Variants in ZMYM2 observed in about 807,000 individuals in gnomAD.
ZMYM2 encodes zinc finger MYM-type protein 2.
Under a neutral mutation model 162.8 loss-of-function variants are expected in ZMYM2, and 56 were observed. The observed-to-expected ratio is 0.34, with a 90% CI of 0.28 to 0.43. ZMYM2 has a LOEUF of 0.43. ZMYM2 is among the 20% of genes least tolerant of loss of function. The probability of loss-of-function intolerance (pLI) is 1.00; values close to 1 mark genes in which losing one functional copy is unlikely to be tolerated. For missense variants in ZMYM2, 1,275 were observed against 1,621.8 expected, an observed-to-expected ratio of 0.79 and a Z score of 3.67; for synonymous variants, 510 against 541.6, an observed-to-expected ratio of 0.94 and a Z score of 0.81.
chr13:19,881,201 T>C, the ZMYM2 span, among the ~76,000 whole-genome samples: 2 of 152,298 alleles, frequency 1.3e-5, no homozygotes, highest in South Asian at 4.1e-4. Context: ...ATCTTAAAGT[T>C]TTGTACATAT....
chr13:19,979,399 A>T (rs1383760734), intron 2 of ZMYM2, among the ~76,000 whole-genome samples: 4 of 147,414 alleles, frequency 2.7e-5, no homozygotes, highest in Non-Finnish European at 4.5e-5. Flanking sequence ...TTGTTGAGGG[A>T]TAGAGCTGTT....
At chr13:20,055,137 GGA>G (rs1229274846) in intron 14 of ZMYM2, among the ~76,000 whole-genome samples, 2 of 152,098 alleles carry the variant, frequency 1.3e-5, no homozygotes, top group African/African-American at 4.8e-5. Context: ...TCTGGTATGA[GGA>G]GTAGGGGTAG....
the ZMYM2 span, among the ~76,000 whole-genome samples, chr13:19,935,428 C>T: frequency 1.7e-3 from 266 of 152,278 alleles, no homozygotes; most frequent in African/African-American, 2.5e-3. Context: ...TGAGCCACCA[C>T]GCACAGCTGG....
At chr13:19,932,520 G>A in the ZMYM2 span, among the ~76,000 whole-genome samples, 5 of 151,980 alleles carry the variant, frequency 3.3e-5, no homozygotes, top group East Asian at 3.9e-4. Flanking sequence ...GTGGTGGTGC[G>A]CGCCTGTAAT....
the ZMYM2 span, among the ~76,000 whole-genome samples, chr13:19,918,306 G>A: frequency 3.3e-5 from 5 of 151,476 alleles, no homozygotes; most frequent in South Asian, 2.1e-4. Flanking sequence ...TTAGCTGGGC[G>A]TGATGGCAGG....
chr13:20,048,114 C>G (rs922957617), intron 12 of ZMYM2, among the ~76,000 whole-genome samples: 2 of 151,820 alleles, frequency 1.3e-5, no homozygotes, highest in Admixed American at 6.6e-5. Context: ...TATTACTTTT[C>G]GATTGCACAG....
At chr13:19,939,081 T>C in the ZMYM2 span, among the ~76,000 whole-genome samples, 1 of 148,446 alleles carries the variant, frequency 6.7e-6, no homozygotes, top group African/African-American at 2.5e-5. Flanking sequence ...TGGAGTGCAA[T>C]GGCGTGATCT....
the ZMYM2 span, among the ~76,000 whole-genome samples, chr13:19,932,315 G>C: frequency 6.6e-6 from 1 of 152,136 alleles, no homozygotes; most frequent in Non-Finnish European, 1.5e-5. Context: ...GAAGTCAGGA[G>C]GGTGAGAAGC....
intron 3 of ZMYM2, among the ~76,000 whole-genome samples, chr13:19,994,951 GCCT>G (rs1377434238): frequency 6.6e-6 from 1 of 150,520 alleles, no homozygotes; most frequent in Non-Finnish European, 1.5e-5. Context: ...TTCCATCGCA[GCCT>G]CCAGAGTAGC....
At chr13:19,917,111 C>T in the ZMYM2 span, among the ~76,000 whole-genome samples, 2 of 152,018 alleles carry the variant, frequency 1.3e-5, no homozygotes, top group East Asian at 2.0e-4. Context: ...TACAGGCGCC[C>T]GCCACGACGC....
chr13:19,942,262 G>A, the ZMYM2 span, among the ~76,000 whole-genome samples: 2 of 151,558 alleles, frequency 1.3e-5, no homozygotes, highest in Non-Finnish European at 1.5e-5. Flanking sequence ...GAGTAATATA[G>A]TAGGATGATC....
chr13:19,889,619 C>A, the ZMYM2 span, among the ~76,000 whole-genome samples: 2 of 151,814 alleles, frequency 1.3e-5, no homozygotes, highest in Non-Finnish European at 2.9e-5. Flanking sequence ...GGAATTTTTA[C>A]GTCTGGTGCC....
chr13:20,048,620 T>G (rs1955033402), intron 12 of ZMYM2, among the ~76,000 whole-genome samples: 1 of 152,008 alleles, frequency 6.6e-6, no homozygotes. Context: ...AAGATGTATA[T>G]ATCAGTCAAA....
At chr13:20,045,049 C>CAAAAAAAAAAAA (rs933854935) in intron 12 of ZMYM2, among the ~76,000 whole-genome samples, 1 of 47,482 alleles carries the variant, frequency 2.1e-5, no homozygotes, top group African/African-American at 7.7e-5. Context: ...GACTCTGTGT[C>CAAAAAAAAAAAA]AAAAAAAAAA....
chr13:20,002,444 A>G (rs545044213), intron 3 of ZMYM2, among the ~76,000 whole-genome samples: 17 of 152,254 alleles, frequency 1.1e-4, no homozygotes, highest in African/African-American at 3.6e-4. Context: ...TAGCTTCCCA[A>G]TCTTGTAAGC....
At chr13:19,912,292 GTTTTTTTTT>G in the ZMYM2 span, among the ~76,000 whole-genome samples, 4 of 75,714 alleles carry the variant, frequency 5.3e-5, no homozygotes, top group South Asian at 5.8e-4. Flanking sequence ...TGTTTTTTGG[GTTTTTTTTT>G]TTTTTTTTTT....
intron 4 of ZMYM2, among the ~76,000 whole-genome samples, chr13:20,003,638 C>CTT (rs1281809459): frequency 7.1e-6 from 1 of 141,830 alleles, no homozygotes; most frequent in Non-Finnish European, 1.6e-5. Context: ...TTTTTCTTTT[C>CTT]TTTTTTTTTT....
chr13:20,058,600 C>T lies in ZMYM2; in HGVS notation c.2519C>T (p.Thr840Ile). The change falls in exon 15 of 25, where the codon ACA becomes ATA. Residue 840 changes from threonine to isoleucine, a missense_variant. Thr to Ile is a moderately conservative substitution (Grantham distance 89). This residue lies in a region of ZMYM2 where 177 missense variants were observed against 228.0 expected (regional missense o/e 0.78). Transcript: ENST00000610343. ...GGTTCAGCACCACCCCCTTCTCCAA[C>T]ACCTAACAAAGAGATGAAGAACAAA... ...MTGSAPPPSPTPNKEMKNKAV... is the reference protein window; with the variant it reads ...MTGSAPPPSPIPNKEMKNKAV... 1.9e-6 allele frequency: 3 copies of T among 1,613,730 alleles called. No individual in the cohort carries two copies. The highest frequency in any genetic ancestry group is 2.2e-5 in the South Asian group (2 of 91,072).
chr13:19,959,088 G>A (rs976123769), intron 1 of ZMYM2, among the ~76,000 whole-genome samples: 1 of 151,102 alleles, frequency 6.6e-6, no homozygotes, highest in African/African-American at 2.4e-5. Flanking sequence ...GCGCCTTTGC[G>A]TGCGGCCCGA....
Sources: gnomAD v4.1 joint callset for allele counts (sites outside exome capture counted in the v4.1 genomes callset) on GRCh38, gnomAD v4.1.1 for gene constraint, gnomAD v4.1.1 regional missense constraint, MANE v1.5 for transcripts, NCBI Gene and HGNC (gene_info 2026-07-23, HGNC 2026-07-21) for gene names.